The following ZMYND11 variants were observed in gnomAD, a reference collection of about 807,000 sequenced individuals.
ZMYND11 encodes zinc finger MYND domain-containing protein 11.
A neutral mutation model predicts 84.9 loss-of-function variants in ZMYND11; 9 were observed. That is an observed-to-expected ratio of 0.11 (90% CI 0.06 to 0.18). ZMYND11 has a LOEUF of 0.18. Among genes scored for constraint, ZMYND11 ranks in the 10% least tolerant of loss-of-function variants. ZMYND11 has a pLI of 1.00. For missense variants in ZMYND11, 409 were observed against 761.0 expected (o/e 0.54, Z 5.44); for synonymous variants, 250 against 244.1 (o/e 1.02, Z -0.23).
intron 2 of ZMYND11, among the ~76,000 whole-genome samples, chr10:187,057 A>G (rs1007526883): frequency 2.0e-5 from 3 of 151,886 alleles, no homozygotes; most frequent in Non-Finnish European, 1.5e-5. Context: ...TTGAGACCCT[A>G]TCTCTACAAA....
At chr10:250,287 A>C (rs1310266247) in intron 14 of ZMYND11, among the ~76,000 whole-genome samples, 1 of 152,196 alleles carries the variant, frequency 6.6e-6, no homozygotes, top group East Asian at 1.9e-4. Flanking sequence ...ATCAACTCTC[A>C]CAATATCATT....
At chr10:190,780 C>T (rs971147566) in intron 2 of ZMYND11, among the ~76,000 whole-genome samples, 2 of 152,164 alleles carry the variant, frequency 1.3e-5, no homozygotes, top group Admixed American at 6.5e-5. Context: ...TTTCCTTCAT[C>T]AGTGGACAAA....
intron 2 of ZMYND11, among the ~76,000 whole-genome samples, chr10:209,544 T>C (rs1318224435): frequency 6.6e-6 from 1 of 152,182 alleles, no homozygotes; most frequent in Non-Finnish European, 1.5e-5. Flanking sequence ...TAGAAGTTAG[T>C]GGTAATTGCT....
At chr10:250,874 T>C (rs1953309139) in intron 14 of ZMYND11, among the ~76,000 whole-genome samples, 1 of 152,178 alleles carries the variant, frequency 6.6e-6, no homozygotes, top group Non-Finnish European at 1.5e-5. Flanking sequence ...AATACAAAAA[T>C]TAGCCGGGCG....
chr10:236,512 G>T (rs1949997731), intron 4 of ZMYND11, among the ~76,000 whole-genome samples: 1 of 152,098 alleles, frequency 6.6e-6, no homozygotes, highest in Non-Finnish European at 1.5e-5. Flanking sequence ...CATTGATATT[G>T]TTTGTAAAAT....
At chr10:229,467 G>T (rs961737779) in intron 4 of ZMYND11, among the ~76,000 whole-genome samples, 10 of 152,146 alleles carry the variant, frequency 6.6e-5, no homozygotes, top group African/African-American at 2.4e-4. Context: ...TTACCTGAGA[G>T]TATCTTATCT....
intron 12 of ZMYND11, 143 bp downstream of exon 12, chr10:247,609 C>T (rs1952421858): frequency 2.3e-6 from 2 of 888,528 alleles, no homozygotes; most frequent in Admixed American, 2.3e-5. Context: ...AAATCATATC[C>T]ATCAAGTTGA....
chr10:210,392 C>T (rs183248450), intron 3 of ZMYND11, among the ~76,000 whole-genome samples: 1 of 152,322 alleles, frequency 6.6e-6, no homozygotes, highest in Admixed American at 6.5e-5. Context: ...TTGATGCCAT[C>T]TAGACAGATA....
chr10:253,735 A>T lies in ZMYND11; in HGVS notation c.*1265A>T, dbSNP rs1953920954. 1 of 152,606 alleles carries T rather than the reference A, an allele frequency of 6.6e-6. No individual in the cohort carries two copies. The highest frequency in any genetic ancestry group is 6.5e-5 in the Admixed American group (1 of 15,276). 9.5% of individuals were successfully genotyped at this position (152,606 alleles called of 1,614,324 possible). On this transcript the variant is annotated 3_prime_UTR_variant, in exon 15 of 15. Coordinates refer to ENST00000381604, the MANE Select transcript of ZMYND11 (RefSeq NM_001370100.5). The stretch of plus-strand genomic sequence containing the variant: ...CAAGTCAAATTCCCATTTATCATTT[A>T]GTTATTTTTTGAGGTTAGAGAATAA...
chr10:136,064 T>A (rs1163586139), intron 1 of ZMYND11, among the ~76,000 whole-genome samples: 1 of 151,476 alleles, frequency 6.6e-6, no homozygotes, highest in East Asian at 2.0e-4. Flanking sequence ...CGGGCAGGGC[T>A]GGCCCCGAGG....
chr10:235,526 A>G (rs1421725266), intron 4 of ZMYND11, among the ~76,000 whole-genome samples: 3 of 152,190 alleles, frequency 2.0e-5, no homozygotes, highest in Non-Finnish European at 2.9e-5. Context: ...CACCTGAGGA[A>G]TAAACAAATG....
rs1487962657 is a variant in ZMYND11, at chr10:252,970, G to GT, written c.*501dup. On this transcript the variant is annotated 3_prime_UTR_variant, in exon 15 of 15. Coordinates refer to ENST00000381604, the MANE Select transcript of ZMYND11 (RefSeq NM_001370100.5). The surrounding 1 kb of genome is among the most constrained non-coding windows in gnomAD (Gnocchi z 4.6). The stretch of plus-strand genomic sequence containing the variant: ...AAGGCATTATCTGTTGGTCACACCA[G>GT]TGGGTATATGATTGAATTTAGGGAA... The GT allele has an allele frequency of 6.5e-6, 1 of 153,518 alleles. No individual in the cohort carries two copies. The highest frequency in any genetic ancestry group is 2.4e-5 in the African/African-American group (1 of 41,466). 9.5% of individuals were successfully genotyped at this position (153,518 alleles called of 1,614,324 possible). A position where few individuals can be genotyped will look rare whatever the true frequency, so the allele number is the denominator to read the frequency against.
At chr10:228,459 C>T (rs550764737) in intron 4 of ZMYND11, among the ~76,000 whole-genome samples, 89 of 152,328 alleles carry the variant, frequency 5.8e-4, no homozygotes, top group African/African-American at 2.0e-3. Flanking sequence ...AAAGCTCACT[C>T]AGTGTTTCCA....
At chr10:200,354 ATG>A in intron 2 of ZMYND11, among the ~76,000 whole-genome samples, 1 of 143,660 alleles carries the variant, frequency 7.0e-6, no homozygotes, top group East Asian at 1.9e-4. Context: ...ATATACATAT[ATG>A]TGTATATATG....
At chr10:187,598 C>G (rs977504511) in intron 2 of ZMYND11, among the ~76,000 whole-genome samples, 5 of 148,736 alleles carry the variant, frequency 3.4e-5, no homozygotes, top group African/African-American at 7.5e-5. Context: ...TGCGCCACTG[C>G]AATCCGGCCT....
intron 2 of ZMYND11, among the ~76,000 whole-genome samples, chr10:207,922 C>T (rs1161352702): frequency 1.3e-5 from 2 of 152,164 alleles, no homozygotes; most frequent in Non-Finnish European, 2.9e-5. Flanking sequence ...GTAACCAAAA[C>T]AGCATGGTAC....
chr10:179,896 A>C, intron 1 of ZMYND11, 98 bp from the exon 2 acceptor site: 1 of 633,124 alleles, frequency 1.6e-6, no homozygotes, highest in Non-Finnish European at 2.7e-6. Flanking sequence ...TACTAAGTAT[A>C]ATCAATAGTT....
At chr10:131,954 G>T (rs1361008658), upstream of ZMYND11, among the ~76,000 whole-genome samples, 1 of 152,070 alleles carries the variant, frequency 6.6e-6, no homozygotes, top group South Asian at 2.1e-4. Context: ...TCAAAAACAT[G>T]ATTTTTAAAA....
intron 2 of ZMYND11, among the ~76,000 whole-genome samples, chr10:182,923 G>T (rs1034603680): frequency 2.6e-5 from 4 of 152,124 alleles, no homozygotes; most frequent in African/African-American, 7.2e-5. Context: ...GCTTAGTCAA[G>T]TCCGAACATA....
Sources: gnomAD v4.1 joint callset for allele counts (sites outside exome capture counted in the v4.1 genomes callset) on GRCh38, gnomAD v4.1.1 for gene constraint, Gnocchi (gnomAD v3.1) non-coding constraint, MANE v1.5 for transcripts, NCBI Gene and HGNC (gene_info 2026-07-23, HGNC 2026-07-21) for gene names.